Variants in RAB3GAP2 observed in about 807,000 individuals in gnomAD.
RAB3GAP2 encodes RAB3 GTPase activating non-catalytic protein subunit 2, also known as rab3 GTPase-activating protein non-catalytic subunit.
A neutral mutation model predicts 185.3 loss-of-function variants in RAB3GAP2; 87 were observed. That is an observed-to-expected ratio of 0.47 (90% CI 0.39 to 0.56). The LOEUF (loss-of-function observed/expected upper bound fraction) is 0.56, where lower values mean the gene tolerates loss of function less well. RAB3GAP2 is among the 20% of genes least tolerant of loss of function. The probability of loss-of-function intolerance (pLI) is 0.00; values close to 1 mark genes in which losing one functional copy is unlikely to be tolerated. For missense variants in RAB3GAP2, 1,492 were observed against 1,638.2 expected (o/e 0.91, Z 1.54); for synonymous variants, 554 against 576.1 (o/e 0.96, Z 0.55).
chr1:220,239,417 G>T (rs778026175), intron 1 of RAB3GAP2, among the ~76,000 whole-genome samples: 39 of 152,204 alleles, frequency 2.6e-4, no homozygotes, highest in Non-Finnish European at 4.3e-4. Context: ...TTTTTGCAGA[G>T]TCGGGGTTTC....
chr1:220,201,005 G>A (rs934754458), intron 9 of RAB3GAP2, among the ~76,000 whole-genome samples: 4 of 152,160 alleles, frequency 2.6e-5, no homozygotes, highest in Non-Finnish European at 4.4e-5. Flanking sequence ...TCCCACTACA[G>A]CTGGTCCCCT....
At chr1:220,236,302 G>A (rs1250439799) in intron 1 of RAB3GAP2, among the ~76,000 whole-genome samples, 3 of 152,046 alleles carry the variant, frequency 2.0e-5, no homozygotes, top group South Asian at 2.1e-4. Context: ...TCAGCTTCCC[G>A]AATAGCTGGG....
chr1:220,232,137 A>C (rs1350040350), intron 2 of RAB3GAP2, among the ~76,000 whole-genome samples: 3 of 152,206 alleles, frequency 2.0e-5, no homozygotes, highest in Non-Finnish European at 4.4e-5. Context: ...CAAATATTTG[A>C]GTGAATAGTG....
At chr1:220,171,820 C>G in intron 23 of RAB3GAP2, 69 bp downstream of exon 23, 3 of 1,601,730 alleles carry the variant, frequency 1.9e-6, no homozygotes, top group Non-Finnish European at 2.6e-6. Context: ...CGAAAAACCC[C>G]AGAAAAGGAA....
intron 2 of RAB3GAP2, among the ~76,000 whole-genome samples, chr1:220,230,976 A>G (rs752630773): frequency 6.6e-5 from 10 of 152,158 alleles, no homozygotes; most frequent in African/African-American, 9.7e-5. Context: ...AATCAAAGCC[A>G]CAATCATCTC....
chr1:220,266,583 AAT>A, intron 1 of RAB3GAP2: 1 of 910,576 alleles, frequency 1.1e-6, no homozygotes, highest in East Asian at 2.6e-5. Flanking sequence ...CAGTAAAACA[AAT>A]ATTTCTTTTA....
intron 3 of RAB3GAP2, 49 bp downstream of exon 3, chr1:220,213,807 C>T (rs1659131830): frequency 2.6e-6 from 4 of 1,558,956 alleles, no homozygotes; most frequent in Non-Finnish European, 3.5e-6. Flanking sequence ...ATTTTCTCTT[C>T]TATCCAATGT....
At position 220,172,760 on chromosome 1, in the gene RAB3GAP2, TC is replaced by T. The variant is rs772885089; in HGVS notation, c.2311-19del. The T allele has an allele frequency of 2.4e-5, 38 of 1,553,234 alleles. No homozygotes were observed. The South Asian group carries it at 3.9e-4, about 16-fold the overall frequency. ...AGCAGAGACTGAAATCAAATTTAAATCTTTTTCAGTCTAAAAAAAAATTTAG... is the reference window on the plus strand; with the variant it reads ...AGCAGAGACTGAAATCAAATTTAAATTTTTTCAGTCTAAAAAAAAATTTAG... On this transcript the variant is annotated intron_variant, in intron 21 of 34. Transcript: ENST00000358951.
intron 27 of RAB3GAP2, among the ~76,000 whole-genome samples, chr1:220,164,410 T>C (rs1480697661): frequency 6.6e-6 from 1 of 151,250 alleles, no homozygotes; most frequent in African/African-American, 2.4e-5. Context: ...CCTTTATAAA[T>C]AGCACTTTTC....
rs79314046 is a variant in RAB3GAP2 at position 220,191,508 on chromosome 1, C to T, written c.1271-224G>A. Among the ~76,000 whole-genome samples the T allele has an allele frequency of 0.072, 10,919 of 152,158 alleles. 491 individuals carry two copies. Among genetic ancestry groups the T allele is most frequent in the Middle Eastern group, 0.11 (32 of 294 alleles). On this transcript the variant is annotated intron_variant, in intron 13 of 34. Coordinates refer to ENST00000358951, the MANE Select transcript of RAB3GAP2 (RefSeq NM_012414.4). ...ACTATTTTGCTATATTTACTTCTGA[C>T]CACTTTTTCTCTTTAAAAAGAAAAT...
chr1:220,245,382 T>C (rs1308658062), intron 1 of RAB3GAP2, among the ~76,000 whole-genome samples: 2 of 152,196 alleles, frequency 1.3e-5, no homozygotes, highest in East Asian at 1.9e-4. Flanking sequence ...GGGAGGTCCC[T>C]TTGCGAGTCA....
At chr1:220,212,281 T>C (rs1421193699) in intron 4 of RAB3GAP2, among the ~76,000 whole-genome samples, 2 of 152,152 alleles carry the variant, frequency 1.3e-5, no homozygotes, top group Admixed American at 6.5e-5. Flanking sequence ...TGAATAAAAT[T>C]AGTAATGGAG....
At chr1:220,209,409 A>G (rs1040065068) in intron 7 of RAB3GAP2, among the ~76,000 whole-genome samples, 3 of 152,082 alleles carry the variant, frequency 2.0e-5, no homozygotes, top group African/African-American at 7.2e-5. Context: ...CCTCTTTTCT[A>G]TTACCTAATT....
At chr1:220,180,463 A>G (rs1345006649) in intron 21 of RAB3GAP2, among the ~76,000 whole-genome samples, 1 of 152,204 alleles carries the variant, frequency 6.6e-6, no homozygotes, top group African/African-American at 2.4e-5. Context: ...AGAAAACATT[A>G]CAATTGATAC....
intron 1 of RAB3GAP2, 86 bp downstream of exon 1, chr1:220,272,137 G>A (rs1435065600): frequency 2.0e-5 from 23 of 1,160,496 alleles, no homozygotes; most frequent in Non-Finnish European, 2.8e-5. Context: ...AGAGGCAGGA[G>A]GCGCAGAGCG....
At chr1:220,161,121 A>G (rs1029997432) in intron 28 of RAB3GAP2, among the ~76,000 whole-genome samples, 6 of 152,198 alleles carry the variant, frequency 3.9e-5, no homozygotes, top group African/African-American at 1.4e-4. Flanking sequence ...GAAGTTGAAT[A>G]GGAGAACAAC....
rs373160821 is a variant in RAB3GAP2, at chr1:220,163,744, C to CATATATAT, written c.3154+981_3154+988dup. Among the ~76,000 whole-genome samples, 591 of 122,936 alleles carry CATATATAT rather than the reference C, an allele frequency of 4.8e-3. 3 individuals carry two copies. The highest frequency in any genetic ancestry group is 0.012 in the East Asian group (46 of 3,860). 80.7% of individuals were successfully genotyped at this position (122,936 alleles called of 152,430 possible). On this transcript the variant is annotated intron_variant, in intron 27 of 34. Transcript: ENST00000358951. ...GTCAAGGTAAATATATAAATACATA[C>CATATATAT]ATATATATATATATATATATATATA...
intron 28 of RAB3GAP2, 144 bp downstream of exon 28, chr1:220,162,054 G>C: frequency 1.5e-6 from 1 of 673,158 alleles, no homozygotes; most frequent in Non-Finnish European, 2.6e-6. Context: ...GCCAGTACTG[G>C]GCATTACATT....
chr1:220,222,144 T>C (rs920153388), intron 2 of RAB3GAP2, among the ~76,000 whole-genome samples: 1 of 152,182 alleles, frequency 6.6e-6, no homozygotes, highest in African/African-American at 2.4e-5. Flanking sequence ...GCAAGACACA[T>C]AGTGCTTCAG....
Sources: gnomAD v4.1 joint callset for allele counts (sites outside exome capture counted in the v4.1 genomes callset) on GRCh38, gnomAD v4.1.1 for gene constraint, MANE v1.5 for transcripts, NCBI Gene and HGNC (gene_info 2026-07-23, HGNC 2026-07-21) for gene names.